The following SNTG2 variants were observed in gnomAD, a reference collection of about 807,000 sequenced individuals.
SNTG2 encodes the protein syntrophin gamma 2.
Under a neutral mutation model 70.9 loss-of-function variants are expected in SNTG2, and 74 were observed. That is an observed-to-expected ratio of 1.04 (90% CI 0.86 to 1.27). The LOEUF is 1.27. Ranked by LOEUF, SNTG2 falls within the 50% of genes most tolerant of loss-of-function variation. The pLI, the probability that SNTG2 is intolerant of heterozygous loss-of-function variation, is 0.00. For missense variants in SNTG2, 717 were observed against 690.7 expected (o/e 1.04, Z -0.43); for synonymous variants, 278 against 273.8 (o/e 1.02, Z -0.15).
intron 9 of SNTG2, among the ~76,000 whole-genome samples, chr2:1,233,886 G>A (rs1425772436): frequency 1.3e-5 from 2 of 152,100 alleles, no homozygotes; most frequent in South Asian, 4.2e-4. Flanking sequence ...CTGGGAGCTG[G>A]TTTGGTTTCT....
At position 1,137,641 on chromosome 2, in the gene SNTG2, G is replaced by A. The variant is rs1359006959; in HGVS notation, c.345G>A (p.Leu115=). The A allele has an allele frequency of 2.5e-6, 4 of 1,612,934 alleles. No homozygotes were observed. The African/African-American group carries it at 5.3e-5, about 22-fold the overall frequency. The change falls in exon 5 of 17, where the codon TTG becomes TTA. Residue 115 remains leucine, a synonymous_variant. Transcript: ENST00000308624. ...EDQAADQTGM[L]FVGDAVLQVN... ...CTGCAGCTGACCAGACAGGGATGTT[G>A]TTCGTAGGAGATGCTGTTCTCCAGG...
At chr2:976,583 G>A (rs891799206) in intron 1 of SNTG2, among the ~76,000 whole-genome samples, 8 of 152,148 alleles carry the variant, frequency 5.3e-5, no homozygotes, top group Admixed American at 1.3e-4. Flanking sequence ...CGGTGTGCAC[G>A]GGGGCTCTGG....
At chr2:1,099,241 G>A (rs929555712) in intron 4 of SNTG2, among the ~76,000 whole-genome samples, 3 of 152,092 alleles carry the variant, frequency 2.0e-5, no homozygotes, top group African/African-American at 7.2e-5. Flanking sequence ...TCGGGGGGTG[G>A]GGCGGTTAGC....
intron 1 of SNTG2, among the ~76,000 whole-genome samples, chr2:1,007,672 C>T (rs752119542): frequency 2.0e-5 from 3 of 152,182 alleles, no homozygotes; most frequent in Non-Finnish European, 4.4e-5. Flanking sequence ...TATGGGAGAG[C>T]ACTCAGTAAG....
chr2:1,113,094 C>G (rs1376705097), intron 4 of SNTG2, among the ~76,000 whole-genome samples: 1 of 150,860 alleles, frequency 6.6e-6, no homozygotes, highest in Admixed American at 6.6e-5. Flanking sequence ...CCTTACAGTC[C>G]TTTGAGAAGG....
chr2:1,311,932 A>G (rs1480457966), intron 15 of SNTG2, among the ~76,000 whole-genome samples: 1 of 152,164 alleles, frequency 6.6e-6, no homozygotes, highest in African/African-American at 2.4e-5. Flanking sequence ...GCAAGGAAAG[A>G]GGTTCTGGAC....
chr2:1,156,613 G>A (rs1165321367), intron 6 of SNTG2, among the ~76,000 whole-genome samples: 5 of 152,134 alleles, frequency 3.3e-5, no homozygotes, highest in Admixed American at 2.6e-4. Flanking sequence ...GCCACAGAGC[G>A]GGAAGAGACC....
At chr2:1,029,465 A>G (rs1470198464) in intron 1 of SNTG2, among the ~76,000 whole-genome samples, 1 of 152,214 alleles carries the variant, frequency 6.6e-6, no homozygotes, top group African/African-American at 2.4e-5. Flanking sequence ...CCCCTTGGTT[A>G]TGCTGCTTGG....
chr2:1,163,891 A>G (rs1670514146), intron 6 of SNTG2, among the ~76,000 whole-genome samples: 1 of 152,142 alleles, frequency 6.6e-6, no homozygotes. Context: ...CTCAGGTGAA[A>G]TAGGAAGGCA....
chr2:1,272,848 G>C (rs768285728), intron 14 of SNTG2, among the ~76,000 whole-genome samples: 13 of 152,126 alleles, frequency 8.5e-5, no homozygotes, highest in Non-Finnish European at 1.5e-4. Context: ...GTGTAGAAAG[G>C]ACATCCCACG....
chr2:1,346,783 A>C (rs751741453), intron 16 of SNTG2, among the ~76,000 whole-genome samples: 2 of 152,096 alleles, frequency 1.3e-5, no homozygotes, highest in African/African-American at 4.8e-5. Flanking sequence ...GAGGGTGTGC[A>C]CTGCTTCAGC....
At position 1,316,865 on chromosome 2, in the gene SNTG2, C is replaced by T. The variant is rs527707751; in HGVS notation, c.1488+490C>T. 3.8e-4 allele frequency among the ~76,000 whole-genome samples: 39 copies of T among 102,480 alleles called. 10 individuals are homozygous for T. The highest frequency in any genetic ancestry group is 1.4e-3 in the South Asian group (4 of 2,782). 67.2% of individuals were successfully genotyped at this position (102,480 alleles called of 152,430 possible). A position where few individuals can be genotyped will look rare whatever the true frequency, so the allele number is the denominator to read the frequency against. On this transcript the variant is annotated intron_variant, in intron 16 of 16. Coordinates refer to ENST00000308624, the MANE Select transcript of SNTG2 (RefSeq NM_018968.4). Reference sequence around the variant, plus strand: ...ATTGGAGAAGGCTGGGATTCTGGAGCGTTTAGCATGAGGCCAGCATTGGAG... The same window carrying T: ...ATTGGAGAAGGCTGGGATTCTGGAGTGTTTAGCATGAGGCCAGCATTGGAG...
chr2:1,315,845 A>G (rs1681251753), intron 15 of SNTG2, among the ~76,000 whole-genome samples: 1 of 152,150 alleles, frequency 6.6e-6, no homozygotes, highest in Non-Finnish European at 1.5e-5. Flanking sequence ...TGTCTTATAT[A>G]ATATAGGAAG....
At chr2:965,894 G>C (rs1660546251) in intron 1 of SNTG2, among the ~76,000 whole-genome samples, 1 of 152,158 alleles carries the variant, frequency 6.6e-6, no homozygotes, top group Non-Finnish European at 1.5e-5. Context: ...GGGCCGCCTT[G>C]GCCTGGGCTG....
chr2:993,070 C>CTTT (rs59134628), intron 1 of SNTG2, among the ~76,000 whole-genome samples: 19 of 140,458 alleles, frequency 1.4e-4, no homozygotes, highest in African/African-American at 1.9e-4. Context: ...TTTGTGGGTT[C>CTTT]TTTTTTTTTT....
intron 16 of SNTG2, among the ~76,000 whole-genome samples, chr2:1,356,185 AGTTGAC>A (rs1660844598): frequency 6.6e-6 from 1 of 152,000 alleles, no homozygotes; most frequent in East Asian, 1.9e-4. Context: ...GAAGCTTTTC[AGTTGAC>A]GTGGACCCAA....
chr2:1,059,361 C>CAAAAA (rs57415468), intron 1 of SNTG2: 1 of 141,300 alleles, frequency 7.1e-6, no homozygotes. Context: ...TGCAAAAGGG[C>CAAAAA]AAAAAAAAAA....
chr2:1,293,057 C>G (rs1680052317), intron 14 of SNTG2, among the ~76,000 whole-genome samples: 1 of 151,464 alleles, frequency 6.6e-6, no homozygotes, highest in African/African-American at 2.4e-5. Context: ...TCTATTTCTT[C>G]TTGATTTAGT....
intron 6 of SNTG2, among the ~76,000 whole-genome samples, chr2:1,153,003 G>A (rs4306744): frequency 0.82 from 124,825 of 151,982 alleles, 52,851 homozygotes; most frequent in Non-Finnish European, 0.94. Context: ...GGGCGCCTGT[G>A]ATTCTAGCTA....
Sources: allele counts gnomAD v4.1 joint callset (sites outside exome capture counted in the v4.1 genomes callset), GRCh38; gene constraint gnomAD v4.1.1; transcripts MANE v1.5; gene names NCBI Gene and HGNC (gene_info 2026-07-23, HGNC 2026-07-21).